ZFHX3: variants seen among roughly 807,000 people sequenced by gnomAD.
ZFHX3 encodes zinc finger homeobox 3.
A neutral mutation model predicts 279.1 loss-of-function variants in ZFHX3; 42 were observed. The observed-to-expected ratio is 0.15, with a 90% CI of 0.12 to 0.19. ZFHX3 has a LOEUF of 0.19. Among genes scored for constraint, ZFHX3 ranks in the 10% least tolerant of loss-of-function variants. ZFHX3 has a pLI of 1.00. For missense variants in ZFHX3, 4,981 were observed against 4,754.0 expected (o/e 1.05, Z -1.40); for synonymous variants, 2,293 against 1,957.8 (o/e 1.17, Z -4.52).
At chr16:73,397,883 C>T (rs2017161109) in intron 3 of ZFHX3, among the ~76,000 whole-genome samples, 1 of 152,154 alleles carries the variant, frequency 6.6e-6, no homozygotes, top group Non-Finnish European at 1.5e-5. Flanking sequence ...CTCCCTCTGC[C>T]ACCCAGGCTG....
intron 5 of ZFHX3, among the ~76,000 whole-genome samples, chr16:73,221,300 C>T (rs2012412203): frequency 6.6e-6 from 1 of 152,026 alleles, no homozygotes; most frequent in South Asian, 2.1e-4. Flanking sequence ...CTGTTAATAC[C>T]TCTATTCATG....
chr16:73,043,515 C>T (rs193289045), intron 1 of ZFHX3, among the ~76,000 whole-genome samples: 118 of 152,250 alleles, frequency 7.8e-4, no homozygotes, highest in Admixed American at 1.6e-3. Flanking sequence ...AAGGCAGAAA[C>T]GTCAAAGAAA....
intron 3 of ZFHX3, among the ~76,000 whole-genome samples, chr16:72,947,254 A>G (rs1332313291): frequency 6.6e-6 from 1 of 151,554 alleles, no homozygotes. Context: ...AAAGAAAAAC[A>G]GGTTGAACCT....
intron 2 of ZFHX3, among the ~76,000 whole-genome samples, chr16:73,605,703 T>G (rs910263048): frequency 1.3e-5 from 2 of 151,478 alleles, no homozygotes; most frequent in African/African-American, 4.9e-5. Flanking sequence ...ACTGGGGGGC[T>G]GGAGAGAAAG....
At chr16:73,545,917 G>A (rs1028384456) in intron 2 of ZFHX3, among the ~76,000 whole-genome samples, 1 of 151,996 alleles carries the variant, frequency 6.6e-6, no homozygotes, top group Non-Finnish European at 1.5e-5. Flanking sequence ...AAGCAGTTCC[G>A]AGTTCCCAGA....
At chr16:73,425,266 C>T (rs1405649669) in intron 3 of ZFHX3, among the ~76,000 whole-genome samples, 1 of 152,136 alleles carries the variant, frequency 6.6e-6, no homozygotes, top group Non-Finnish European at 1.5e-5. Flanking sequence ...CAGTCTTGTG[C>T]CTTGGGATGC....
intron 3 of ZFHX3, among the ~76,000 whole-genome samples, chr16:72,934,022 G>C (rs935710067): frequency 1.3e-5 from 2 of 152,004 alleles, no homozygotes; most frequent in Non-Finnish European, 2.9e-5. Flanking sequence ...GTTTCACCGT[G>C]TTAGCCAGGA....
At chr16:72,932,394 A>G (rs11864131) in intron 3 of ZFHX3, among the ~76,000 whole-genome samples, 6,193 of 152,098 alleles carry the variant, frequency 0.041, 300 homozygotes, top group African/African-American at 0.1. Flanking sequence ...ATCACTTTCT[A>G]ATTTTCCTGA....
At chr16:73,223,540 G>T (rs1013975619) in intron 5 of ZFHX3, among the ~76,000 whole-genome samples, 1 of 152,088 alleles carries the variant, frequency 6.6e-6, no homozygotes, top group Non-Finnish European at 1.5e-5. Flanking sequence ...CCAAAATAAC[G>T]ACAACCCCAT....
intron 1 of ZFHX3, among the ~76,000 whole-genome samples, chr16:73,030,088 G>A (rs955434111): frequency 2.0e-5 from 3 of 152,094 alleles, no homozygotes; most frequent in Non-Finnish European, 4.4e-5. Flanking sequence ...CAAAGGAAAG[G>A]CTATTCACAA....
At chr16:73,020,769 G>A (rs1361937443) in intron 1 of ZFHX3, among the ~76,000 whole-genome samples, 1 of 152,216 alleles carries the variant, frequency 6.6e-6, no homozygotes, top group African/African-American at 2.4e-5. Context: ...GGGCATGGTT[G>A]TTGGACCTTT....
At chr16:73,207,875 T>G (rs898558812) in intron 5 of ZFHX3, among the ~76,000 whole-genome samples, 1 of 152,064 alleles carries the variant, frequency 6.6e-6, no homozygotes, top group Non-Finnish European at 1.5e-5. Flanking sequence ...TGCGCCAACG[T>G]TTTGGAAGAA....
intron 4 of ZFHX3, among the ~76,000 whole-genome samples, chr16:73,307,923 A>C (rs1043024967): frequency 6.6e-6 from 1 of 152,058 alleles, no homozygotes; most frequent in African/African-American, 2.4e-5. Flanking sequence ...GGAACACTGA[A>C]CAGAAAGTTC....
chr16:73,354,962 C>A lies in ZFHX3; in HGVS notation c.-1290-36626G>T, dbSNP rs1475679908. ...CAAAGAGGATTGATTGGCCTTTGAT[C>A]ACCAGAAAGCTCTGCAGTGCTATTA... is the stretch of plus-strand genomic sequence containing the variant. On this transcript the variant is annotated intron_variant, in intron 3 of 17. Transcript: ENST00000641206. Among the ~76,000 whole-genome samples, 4 of 152,306 alleles carry A rather than the reference C, an allele frequency of 2.6e-5. No individual in the cohort carries two copies. In the East Asian group the frequency reaches 7.7e-4, roughly 29 times the overall value.
chr16:72,945,227 C>T (rs553220247), intron 3 of ZFHX3, among the ~76,000 whole-genome samples: 16 of 152,252 alleles, frequency 1.1e-4, no homozygotes, highest in South Asian at 6.2e-4. Context: ...GCTTTCATGC[C>T]GCACACCACT....
In ZFHX3 at chr16:72,959,591, C is replaced by T. The variant is rs747235758; in HGVS notation, c.555G>A (p.Ser185=). The stretch of plus-strand genomic sequence containing the variant: ...TCTGCGGGTACACGGGTGCAGCACA[C>T]GAAGGGTCCCCTTGCTTGCCCCCCG... ...PGAGGKQGDP[S]CAAPVYPQII... Residue 185 remains serine, a synonymous_variant, in exon 2 of 10, where the codon TCG becomes TCA. Coordinates refer to ENST00000268489, the MANE Select transcript of ZFHX3 (RefSeq NM_006885.4). The T allele has an allele frequency of 1.4e-5, 23 of 1,614,018 alleles. No individual in the cohort carries two copies. The highest frequency in any genetic ancestry group is 6.7e-5 in the East Asian group (3 of 44,882).
At chr16:73,464,003 G>T (rs545888054) in intron 2 of ZFHX3, among the ~76,000 whole-genome samples, 2 of 152,158 alleles carry the variant, frequency 1.3e-5, no homozygotes, top group African/African-American at 4.8e-5. Flanking sequence ...AAACAATACT[G>T]TGGATGCAGA....
At chr16:73,373,980 C>A (rs1019093461) in intron 3 of ZFHX3, among the ~76,000 whole-genome samples, 1 of 152,206 alleles carries the variant, frequency 6.6e-6, no homozygotes, top group African/African-American at 2.4e-5. Flanking sequence ...CTACATAGTA[C>A]GTGCACTCTT....
In ZFHX3 at chr16:72,921,712, A is replaced by G. The variant is rs149926159; in HGVS notation, c.3216+28757T>C. On this transcript the variant is annotated intron_variant, in intron 3 of 9. Transcript: ENST00000268489. ...GGAGTCTGGAGAGAAAGGACGGGGC[A>G]GAGAGAAAAGGGGGCAGTGCCTGGC... Among the ~76,000 whole-genome samples the G allele has an allele frequency of 5.7e-4, 87 of 152,320 alleles. 2 individuals are homozygous for G. The highest frequency in any genetic ancestry group is 2.0e-3 in the African/African-American group (83 of 41,574).
Sources: gnomAD v4.1 joint callset for allele counts (sites outside exome capture counted in the v4.1 genomes callset) on GRCh38, gnomAD v4.1.1 for gene constraint, MANE v1.5 for transcripts, NCBI Gene and HGNC (gene_info 2026-07-23, HGNC 2026-07-21) for gene names.